The following EPB41L3 variants were observed in gnomAD, a reference collection of about 807,000 sequenced individuals.
The protein encoded by EPB41L3 is erythrocyte membrane protein band 4.1 like 3.
In EPB41L3, 57 loss-of-function variants were observed where a neutral mutation model predicts 127.1. The ratio of observed to expected loss-of-function variants is 0.45; its 90% CI spans 0.36 to 0.56. EPB41L3 has a LOEUF of 0.56. Ranked by LOEUF, EPB41L3 falls within the 20% of genes least tolerant of loss-of-function variation. The pLI is 0.00. For synonymous variants in EPB41L3, 572 were observed against 549.5 expected (o/e 1.04, Z -0.57); for missense variants, 1,273 against 1,372.2 (o/e 0.93, Z 1.14).
intron 1 of EPB41L3, among the ~76,000 whole-genome samples, chr18:5,531,731 C>CAAAAAAA (rs57625472): frequency 1.5e-5 from 1 of 67,818 alleles, no homozygotes; most frequent in Non-Finnish European, 3.0e-5. Flanking sequence ...GACCCTGTCT[C>CAAAAAAA]AAAAAAAAAA....
intron 1 of EPB41L3, among the ~76,000 whole-genome samples, chr18:5,529,806 G>A (rs1038240707): frequency 6.6e-6 from 1 of 152,006 alleles, no homozygotes; most frequent in Non-Finnish European, 1.5e-5. Context: ...TCTTTGAGCT[G>A]GACCTCTCTG....
At chr18:5,548,779 A>C (rs1173916881), upstream of EPB41L3, among the ~76,000 whole-genome samples, 1 of 152,224 alleles carries the variant, frequency 6.6e-6, no homozygotes, top group African/African-American at 2.4e-5. Context: ...AATGTTTTCT[A>C]TTTAGGATTT....
At chr18:5,629,874 G>T (rs560914869), upstream of EPB41L3, among the ~76,000 whole-genome samples, 4 of 152,326 alleles carry the variant, frequency 2.6e-5, no homozygotes, top group African/African-American at 9.6e-5. Context: ...GCGCGCGCTG[G>T]CAAAAGCACA....
chr18:5,420,685 G>A (rs2077368933), intron 11 of EPB41L3, among the ~76,000 whole-genome samples: 2 of 152,086 alleles, frequency 1.3e-5, no homozygotes, highest in Non-Finnish European at 2.9e-5. Flanking sequence ...CAGCTAAAAC[G>A]TCTTAGTGAA....
intron 5 of EPB41L3, 97 bp downstream of exon 5, chr18:5,443,741 T>C (rs1568201186): frequency 4.6e-6 from 4 of 876,032 alleles, no homozygotes; most frequent in Non-Finnish European, 7.2e-6. Flanking sequence ...GAAAAGCTTG[T>C]ATTCACACTA....
At chr18:5,468,938 C>A (rs143631961) in intron 3 of EPB41L3, among the ~76,000 whole-genome samples, 1 of 145,900 alleles carries the variant, frequency 6.9e-6, no homozygotes, top group Non-Finnish European at 1.5e-5. Flanking sequence ...AAAAAACAAA[C>A]AAACAAACAA....
chr18:5,556,440 C>T (rs1043911163), intron 3 of EPB41L3, among the ~76,000 whole-genome samples: 4 of 152,158 alleles, frequency 2.6e-5, no homozygotes, highest in African/African-American at 7.2e-5. Context: ...TTTTCCCTAG[C>T]GGTGCTGCTG....
At chr18:5,437,968 C>T (rs2322094) in intron 6 of EPB41L3, 67 bp downstream of exon 6, 405,587 of 1,463,648 alleles carry the variant, frequency 0.28, 57,330 homozygotes, top group Middle Eastern at 0.33. Flanking sequence ...ACGCTCTTTC[C>T]GGAGCATTTA....
At chr18:5,539,991 C>T (rs1422819957) in intron 1 of EPB41L3, among the ~76,000 whole-genome samples, 1 of 152,110 alleles carries the variant, frequency 6.6e-6, no homozygotes, top group African/African-American at 2.4e-5. Context: ...GAGAACATTG[C>T]CTACCCAATA....
At chr18:5,471,959 C>T (rs568501840) in intron 3 of EPB41L3, among the ~76,000 whole-genome samples, 1 of 152,248 alleles carries the variant, frequency 6.6e-6, no homozygotes, top group South Asian at 2.1e-4. Flanking sequence ...CGCACGTAGG[C>T]ACTCAAGTTC....
At chr18:5,547,794 T>A (rs1185301180), upstream of EPB41L3, among the ~76,000 whole-genome samples, 1 of 152,198 alleles carries the variant, frequency 6.6e-6, no homozygotes, top group Non-Finnish European at 1.5e-5. Context: ...GGTATTCTGC[T>A]ACCTGAACAG....
At chr18:5,398,924 C>T (rs752924839) in intron 16 of EPB41L3, 1 of 399,090 alleles carries the variant, frequency 2.5e-6, no homozygotes, top group Non-Finnish European at 4.4e-6. Flanking sequence ...TGATGGGGGC[C>T]AGGGATTCGG....
At chr18:5,524,975 C>T (rs2093164739) in intron 1 of EPB41L3, among the ~76,000 whole-genome samples, 1 of 152,178 alleles carries the variant, frequency 6.6e-6, no homozygotes, top group Non-Finnish European at 1.5e-5. Flanking sequence ...AATAAAAGCT[C>T]CCACTGTGAG....
rs183186592 is a variant in EPB41L3 at position 5,602,454 on chromosome 18, A to T, written c.-306+9886T>A. The stretch of plus-strand genomic sequence containing the variant: ...GTCCTTCTGTCTTCTGCTCTCTCTC[A>T]CTCATTGATTGATTGACTGAGACAG... On this transcript the variant is annotated intron_variant, in intron 3 of 21. Transcript: ENST00000545076. Among the ~76,000 whole-genome samples, 10 of 151,944 alleles carry T rather than the reference A, an allele frequency of 6.6e-5. No individual in the cohort carries two copies. The East Asian group carries it at 1.9e-3, about 29-fold the overall frequency.
chr18:5,406,332 T>C (rs2075380407), intron 16 of EPB41L3, among the ~76,000 whole-genome samples: 1 of 152,160 alleles, frequency 6.6e-6, no homozygotes, highest in Non-Finnish European at 1.5e-5. Flanking sequence ...TCTTGTTATA[T>C]CAATAAAAGC....
chr18:5,568,428 A>T (rs944869830), intron 3 of EPB41L3, among the ~76,000 whole-genome samples: 6 of 20,232 alleles, frequency 3.0e-4, no homozygotes, highest in Non-Finnish European at 6.3e-4. Flanking sequence ...TCTGGATAGT[A>T]AAAAAAAAAA....
intron 1 of EPB41L3, among the ~76,000 whole-genome samples, chr18:5,622,268 A>G (rs1055368330): frequency 1.3e-5 from 2 of 152,248 alleles, no homozygotes; most frequent in Admixed American, 6.5e-5. Flanking sequence ...TTATATGACA[A>G]AAAGATACTG....
intron 1 of EPB41L3, among the ~76,000 whole-genome samples, chr18:5,499,821 A>ATGTGTGTG (rs1222775684): frequency 2.4e-4 from 33 of 137,998 alleles, no homozygotes; most frequent in African/African-American, 7.0e-4. Context: ...CATACTTACT[A>ATGTGTGTG]TGTGTGTGTA....
At chr18:5,496,939 T>C (rs1210204863) in intron 1 of EPB41L3, among the ~76,000 whole-genome samples, 4 of 152,180 alleles carry the variant, frequency 2.6e-5, no homozygotes, top group East Asian at 1.9e-4. Context: ...GTGTCAGAGA[T>C]AGATGCTGTT....
Sources: gnomAD v4.1 joint callset for allele counts (sites outside exome capture counted in the v4.1 genomes callset) on GRCh38, gnomAD v4.1.1 for gene constraint, MANE v1.5 for transcripts, NCBI Gene and HGNC (gene_info 2026-07-23, HGNC 2026-07-21) for gene names.